Variants in LRBA observed in about 807,000 individuals in gnomAD.
LRBA encodes lipopolysaccharide-responsive and beige-like anchor protein.
A neutral mutation model predicts 330.0 loss-of-function variants in LRBA; 176 were observed. That is an observed-to-expected ratio of 0.53 (90% CI 0.47 to 0.60). The LOEUF (loss-of-function observed/expected upper bound fraction) is 0.60. LRBA is among the 20% of genes least tolerant of loss of function. The probability of loss-of-function intolerance (pLI) is 0.00; values close to 1 mark genes in which losing one functional copy is unlikely to be tolerated. For missense variants in LRBA, 3,259 were observed against 3,444.8 expected (o/e 0.95, Z 1.35); for synonymous variants, 1,230 against 1,193.0 (o/e 1.03, Z -0.64).
At chr4:150,341,225 G>C (rs1023579625) in intron 48 of LRBA, among the ~76,000 whole-genome samples, 1 of 152,122 alleles carries the variant, frequency 6.6e-6, no homozygotes, top group Non-Finnish European at 1.5e-5. Context: ...GCAGTGGTGT[G>C]ATCTGAACTC....
chr4:150,897,266 T>C (rs1399913081), intron 15 of LRBA, among the ~76,000 whole-genome samples: 3 of 151,978 alleles, frequency 2.0e-5, no homozygotes, highest in Non-Finnish European at 4.4e-5. Flanking sequence ...AAAACCAAAA[T>C]GCCTTTTTTA....
Position 150,851,895 on chromosome 4 carries a change from T to C in LRBA, c.3815A>G (p.His1272Arg), listed in dbSNP as rs1312237239. Residue 1272 changes from histidine to arginine, a missense_variant, in exon 23 of 57, where the codon CAT becomes CGT. Physicochemically the swap from His to Arg is conservative, Grantham distance 29 (BLOSUM62 0). Coordinates refer to ENST00000651943, the MANE Select transcript of LRBA (RefSeq NM_001364905.1). ...AATATATAAAATCACCTCAAGCACA[T>C]GTCGATGAGGTTGAGGTGCTTCCAC... is the stretch of plus-strand genomic sequence containing the variant. The part of the protein sequence containing the change: ...PNVEAPQPHR[H>R]VLEISRQHEQ... 6.2e-7 allele frequency: 1 copy of C among 1,608,142 alleles called. No homozygotes were observed.
At chr4:150,573,690 C>A (rs1770168767) in intron 40 of LRBA, among the ~76,000 whole-genome samples, 1 of 152,186 alleles carries the variant, frequency 6.6e-6, no homozygotes, top group Admixed American at 6.5e-5. Context: ...TCCTACCAAG[C>A]TACTCTGATA....
At chr4:150,380,388 A>T (rs186789284) in intron 47 of LRBA, among the ~76,000 whole-genome samples, 2 of 152,166 alleles carry the variant, frequency 1.3e-5, no homozygotes, top group East Asian at 3.9e-4. Context: ...AATAAAGCAA[A>T]TTTAAAATAT....
intron 41 of LRBA, 78 bp from the exon 42 acceptor site, chr4:150,487,912 T>C (rs1404590891): frequency 1.5e-6 from 1 of 649,616 alleles, no homozygotes; most frequent in Non-Finnish European, 2.7e-6. Context: ...TCCAATAAAA[T>C]ATTTACTTTT....
At chr4:150,826,325 G>T (rs1389626944) in intron 30 of LRBA, among the ~76,000 whole-genome samples, 2 of 152,158 alleles carry the variant, frequency 1.3e-5, no homozygotes, top group African/African-American at 4.8e-5. Context: ...TTGGGATGGG[G>T]GGGAAGCCAC....
rs1776600131 is a variant in LRBA at position 150,624,226 on chromosome 4, T to A, written c.5922-25095A>T. On this transcript the variant is annotated intron_variant, in intron 37 of 56. Coordinates refer to ENST00000651943, the MANE Select transcript of LRBA (RefSeq NM_001364905.1). ...ACATGTTTGAAACCCTGACTGTTGCTCAAACAATTTGAATTCAGAATATGA... is the reference window on the plus strand; with the variant it reads ...ACATGTTTGAAACCCTGACTGTTGCACAAACAATTTGAATTCAGAATATGA... 2.0e-5 allele frequency among the ~76,000 whole-genome samples: 3 copies of A among 151,612 alleles called. 1 individual carries two copies. In the South Asian group the frequency reaches 6.2e-4, roughly 31 times the overall value.
Position 150,905,851 on chromosome 4 carries a change from T to C in LRBA, c.1742A>G (p.His581Arg). ...HVLLNPAIWI[H>R]TPAKVQLMLY... ...GATATATATTACCTTGGCTGGGGTA[T>C]GAATCCATATGGCAGGATTAAGAAG... Residue 581 changes from histidine (H) to arginine (R), a missense_variant, in exon 13 of 57, where the codon CAT becomes CGT. Transcript: ENST00000651943. The C allele has an allele frequency of 6.2e-7, 1 of 1,613,138 alleles. No homozygotes were observed. The highest frequency in any genetic ancestry group is 8.5e-7 in the Non-Finnish European group (1 of 1,179,362).
intron 37 of LRBA, among the ~76,000 whole-genome samples, chr4:150,623,066 C>T (rs1254911565): frequency 1.3e-5 from 2 of 152,116 alleles, no homozygotes; most frequent in Non-Finnish European, 2.9e-5. Flanking sequence ...AGATTGCCCA[C>T]CCTTGGCTAA....
intron 37 of LRBA, among the ~76,000 whole-genome samples, chr4:150,645,894 C>T (rs185627183): frequency 2.4e-5 from 3 of 122,720 alleles, no homozygotes; most frequent in Non-Finnish European, 5.0e-5. Context: ...TACCCGCCCC[C>T]CTCCCAAGAA....
chr4:150,638,342 T>C (rs1447633880), intron 37 of LRBA, among the ~76,000 whole-genome samples: 3 of 152,166 alleles, frequency 2.0e-5, no homozygotes, highest in African/African-American at 7.2e-5. Context: ...CTTTAATTAT[T>C]ATCAATTTCT....
At position 150,552,113 on chromosome 4, in the gene LRBA, C is replaced by T. The variant is rs139144479; in HGVS notation, c.6330+35935G>A. Among the ~76,000 whole-genome samples, 62 of 152,250 alleles carry T rather than the reference C, an allele frequency of 4.1e-4. 1 individual carries two copies. The highest frequency in any genetic ancestry group is 1.2e-3 in the African/African-American group (49 of 41,546). ...AAATCTAATGCCACAGCTGATCTGACAGGAGGCAGAGCTCAGGTGGTAATA... is the reference window on the plus strand; with the variant it reads ...AAATCTAATGCCACAGCTGATCTGATAGGAGGCAGAGCTCAGGTGGTAATA... On this transcript the variant is annotated intron_variant, in intron 40 of 56. Coordinates refer to ENST00000651943, the MANE Select transcript of LRBA (RefSeq NM_001364905.1).
At chr4:150,274,639 A>G (rs910665378) in intron 56 of LRBA, among the ~76,000 whole-genome samples, 2 of 152,214 alleles carry the variant, frequency 1.3e-5, no homozygotes, top group Non-Finnish European at 2.9e-5. Flanking sequence ...CAGAAATACA[A>G]ACTACCATCA....
chr4:150,418,019 GTT>G (rs201449584), intron 46 of LRBA, among the ~76,000 whole-genome samples: 6 of 132,272 alleles, frequency 4.5e-5, no homozygotes, highest in Admixed American at 7.6e-5. Context: ...TTGGTTTTTT[GTT>G]TTTTTTTTTT....
At chr4:150,625,999 T>TA (rs1385881778) in intron 37 of LRBA, among the ~76,000 whole-genome samples, 15 of 142,434 alleles carry the variant, frequency 1.1e-4, no homozygotes, top group African/African-American at 4.0e-4. Context: ...GCCGGATATA[T>TA]TTTTTTTTTT....
intron 56 of LRBA, among the ~76,000 whole-genome samples, chr4:150,270,379 G>A (rs138638136): frequency 6.6e-5 from 10 of 152,290 alleles, no homozygotes; most frequent in African/African-American, 1.7e-4. Context: ...ATTCTGATAC[G>A]TGCTACGACA....
intron 22 of LRBA, among the ~76,000 whole-genome samples, chr4:150,865,883 T>C (rs1752616992): frequency 1.3e-5 from 2 of 151,952 alleles, no homozygotes; most frequent in South Asian, 4.1e-4. Flanking sequence ...GCCTGGCTAA[T>C]GTTTGTATTT....
At chr4:150,545,550 T>A (rs1765761968) in intron 40 of LRBA, among the ~76,000 whole-genome samples, 1 of 152,098 alleles carries the variant, frequency 6.6e-6, no homozygotes, top group Non-Finnish European at 1.5e-5. Flanking sequence ...TTAAAAAAAA[T>A]AATTCGCAAC....
At chr4:150,707,333 A>G (rs1001403739) in intron 36 of LRBA, among the ~76,000 whole-genome samples, 1 of 151,750 alleles carries the variant, frequency 6.6e-6, no homozygotes, top group Non-Finnish European at 1.5e-5. Context: ...GATTGTTAAA[A>G]CAGCACAGAA....
Sources: gnomAD v4.1 joint callset for allele counts (sites outside exome capture counted in the v4.1 genomes callset) on GRCh38, gnomAD v4.1.1 for gene constraint, MANE v1.5 for transcripts, NCBI Gene and HGNC (gene_info 2026-07-23, HGNC 2026-07-21) for gene names.